CSMD1: variants seen among roughly 807,000 people sequenced by gnomAD.
CSMD1 encodes the protein CUB and sushi domain-containing protein 1.
CSMD1 carries 213 observed loss-of-function variants against 417.5 expected under a neutral mutation model. The observed-to-expected ratio is 0.51, with a 90% CI of 0.46 to 0.57. The LOEUF (loss-of-function observed/expected upper bound fraction) is 0.57, where lower values mean the gene tolerates loss of function less well. CSMD1 is among the 20% of genes least tolerant of loss of function. The pLI is 0.00. For synonymous variants in CSMD1, 2,862 were observed against 1,736.8 expected (o/e 1.65, Z -16.11); for missense variants, 6,923 against 4,529.7 (o/e 1.53, Z -15.17).
chr8:3,640,606 G>C (rs61239962), intron 7 of CSMD1, among the ~76,000 whole-genome samples: 2 of 152,154 alleles, frequency 1.3e-5, no homozygotes, highest in Non-Finnish European at 2.9e-5. Context: ...AAAATCAAAG[G>C]TGGTCTCTGA....
intron 5 of CSMD1, among the ~76,000 whole-genome samples, chr8:3,771,217 T>C (rs1367438561): frequency 6.6e-6 from 1 of 152,096 alleles, no homozygotes; most frequent in Non-Finnish European, 1.5e-5. Flanking sequence ...GGCCAGCTAC[T>C]TTGGGGTTTT....
Position 4,355,338 on chromosome 8 carries a change from CGT to C in CSMD1, c.415+64613_415+64614del, listed in dbSNP as rs1491078656. 3.6e-4 allele frequency among the ~76,000 whole-genome samples: 55 copies of C among 151,130 alleles called. 1 individual carries two copies. Among genetic ancestry groups the C allele is most frequent in the South Asian group, 1.3e-3 (6 of 4,760 alleles). ...ACACACACACACGCACACACACACA[CGT>C]ATATATGATATATATACACACACAC... On this transcript the variant is annotated intron_variant, in intron 3 of 69. Coordinates refer to ENST00000635120, the MANE Select transcript of CSMD1 (RefSeq NM_033225.6).
At chr8:3,273,210 T>A (rs1477361059) in intron 26 of CSMD1, among the ~76,000 whole-genome samples, 5,367 of 150,282 alleles carry the variant, frequency 0.036, 105 homozygotes, top group African/African-American at 0.057. Context: ...TTGTCTTTGG[T>A]TCTGTTTATA....
At chr8:4,812,156 T>G (rs1379413126) in intron 1 of CSMD1, among the ~76,000 whole-genome samples, 1 of 152,194 alleles carries the variant, frequency 6.6e-6, no homozygotes, top group Non-Finnish European at 1.5e-5. Flanking sequence ...TGAAGCTCAC[T>G]GGCTGCTTCG....
At chr8:4,332,797 T>G (rs1799950507) in intron 3 of CSMD1, among the ~76,000 whole-genome samples, 1 of 152,036 alleles carries the variant, frequency 6.6e-6, no homozygotes, top group Non-Finnish European at 1.5e-5. Flanking sequence ...TAGTTATGTG[T>G]GGAGACAGGA....
In CSMD1 at chr8:4,173,886, C is replaced by T. The variant is rs534031729; in HGVS notation, c.416-141787G>A. On this transcript the variant is annotated intron_variant, in intron 3 of 69. Transcript: ENST00000635120. ...CTTCTCTCCGGGTTTGAAGTGGCAG[C>T]TGAAGTTCTGGGCTCAGTACACATG... Among the ~76,000 whole-genome samples, 4 of 152,246 alleles carry T rather than the reference C, an allele frequency of 2.6e-5. No individual in the cohort carries two copies. The South Asian group carries it at 8.3e-4, about 32-fold the overall frequency.
intron 3 of CSMD1, among the ~76,000 whole-genome samples, chr8:4,155,065 G>A (rs958888710): frequency 6.6e-6 from 1 of 152,156 alleles, no homozygotes; most frequent in Non-Finnish European, 1.5e-5. Context: ...CCTGTTCCAG[G>A]CCCGATTTGT....
intron 2 of CSMD1, among the ~76,000 whole-genome samples, chr8:4,456,728 C>T (rs1799510732): frequency 6.6e-6 from 1 of 152,134 alleles, no homozygotes; most frequent in Non-Finnish European, 1.5e-5. Context: ...CCTGCTGCAT[C>T]AGTCCTTACT....
intron 51 of CSMD1, among the ~76,000 whole-genome samples, chr8:3,027,198 G>C (rs1404608632): frequency 6.6e-6 from 1 of 152,016 alleles, no homozygotes; most frequent in Non-Finnish European, 1.5e-5. Flanking sequence ...GGAAAAAAAA[G>C]ACAAAGCAGA....
intron 1 of CSMD1, among the ~76,000 whole-genome samples, chr8:4,931,140 G>A (rs920355118): frequency 5.3e-5 from 8 of 152,056 alleles, no homozygotes; most frequent in African/African-American, 1.4e-4. Flanking sequence ...GTTTTATTAC[G>A]TTTTACCTTA....
At chr8:4,389,917 A>C (rs1361640258) in intron 3 of CSMD1, among the ~76,000 whole-genome samples, 2 of 152,154 alleles carry the variant, frequency 1.3e-5, no homozygotes, top group African/African-American at 2.4e-5. Context: ...CACTGTTATA[A>C]TTCTAGGATG....
At chr8:3,861,481 G>A (rs182068815) in intron 5 of CSMD1, among the ~76,000 whole-genome samples, 2 of 152,260 alleles carry the variant, frequency 1.3e-5, no homozygotes, top group East Asian at 1.9e-4. Flanking sequence ...CCATAGATTT[G>A]GACTCGTGAG....
chr8:4,314,338 C>A (rs1408427154), intron 3 of CSMD1, among the ~76,000 whole-genome samples: 1 of 152,184 alleles, frequency 6.6e-6, no homozygotes, highest in Non-Finnish European at 1.5e-5. Context: ...ACAGCCAGTG[C>A]CTCCACCTGC....
chr8:4,822,327 G>A (rs1799569708), intron 1 of CSMD1, among the ~76,000 whole-genome samples: 2 of 152,126 alleles, frequency 1.3e-5, no homozygotes, highest in Non-Finnish European at 2.9e-5. Flanking sequence ...GCAGGTTACT[G>A]AAATCTAGGT....
chr8:3,814,064 A>C (rs936398655), intron 5 of CSMD1, among the ~76,000 whole-genome samples: 7 of 152,200 alleles, frequency 4.6e-5, no homozygotes, highest in Non-Finnish European at 1.0e-4. Flanking sequence ...ATTATTCTGC[A>C]AAATGTGTTT....
At chr8:3,723,945 A>G (rs1378024139) in intron 6 of CSMD1, among the ~76,000 whole-genome samples, 1 of 151,864 alleles carries the variant, frequency 6.6e-6, no homozygotes, top group African/African-American at 2.4e-5. Flanking sequence ...CTTTTAAGAA[A>G]TAGCCATTTG....
chr8:4,878,900 G>A (rs1319303359), intron 1 of CSMD1, among the ~76,000 whole-genome samples: 4 of 151,428 alleles, frequency 2.6e-5, no homozygotes, highest in East Asian at 2.0e-4. Flanking sequence ...ATGATGCTCC[G>A]AGCAGAGAGA....
chr8:4,850,284 T>C (rs1263246718), intron 1 of CSMD1, among the ~76,000 whole-genome samples: 1 of 151,710 alleles, frequency 6.6e-6, no homozygotes, highest in African/African-American at 2.4e-5. Context: ...AGATACACAA[T>C]CCCCAAACAT....
At chr8:4,927,995 G>T (rs1354083697) in intron 1 of CSMD1, among the ~76,000 whole-genome samples, 1 of 152,088 alleles carries the variant, frequency 6.6e-6, no homozygotes, top group African/African-American at 2.4e-5. Flanking sequence ...AAGCTCCCGA[G>T]TCACACCCCA....
Sources: allele counts gnomAD v4.1 joint callset (sites outside exome capture counted in the v4.1 genomes callset), GRCh38; gene constraint gnomAD v4.1.1; transcripts MANE v1.5; gene names NCBI Gene and HGNC (gene_info 2026-07-23, HGNC 2026-07-21).